PPEF2: variants seen among roughly 807,000 people sequenced by gnomAD.
PPEF2 encodes protein phosphatase with EF-hand domain 2.
Under a neutral mutation model 84.7 loss-of-function variants are expected in PPEF2, and 84 were observed. That is an observed-to-expected ratio of 0.99 (90% confidence interval 0.83 to 1.19). The LOEUF (loss-of-function observed/expected upper bound fraction) is 1.19, where lower values mean the gene tolerates loss of function less well. PPEF2 is among the 50% of genes most tolerant of loss of function. PPEF2 has a pLI of 0.00. For missense variants in PPEF2, 924 were observed against 937.5 expected (o/e 0.99, Z 0.19); for synonymous variants, 346 against 345.2 (o/e 1.00, Z -0.03).
intron 15 of PPEF2, among the ~76,000 whole-genome samples, chr4:75,865,040 G>A (rs371911323): frequency 6.6e-6 from 1 of 151,308 alleles, no homozygotes; most frequent in Non-Finnish European, 1.5e-5. Context: ...GGGTTCAAGC[G>A]ATTCTCCTGT....
chr4:75,884,795 G>A (rs1274355377), intron 7 of PPEF2, 35 bp from the exon 8 acceptor site: 1 of 1,508,100 alleles, frequency 6.6e-7, no homozygotes, highest in Admixed American at 2.1e-5. Context: ...AGAATGAATG[G>A]GAGGAAGGAA....
Position 75,873,305 on chromosome 4 carries a change from T to G in PPEF2, c.1328A>C (p.Asp443Ala), listed in dbSNP as rs536624297. The G allele has an allele frequency of 6.2e-7, 1 of 1,610,882 alleles. No homozygotes were observed. The highest frequency in any genetic ancestry group is 8.5e-7 in the Non-Finnish European group (1 of 1,178,712). Residue 443 changes from aspartate (D) to alanine (A), a missense_variant, in exon 12 of 17, where the codon GAT (aspartate) becomes GCT (alanine). Coordinates refer to ENST00000286719, the MANE Select transcript of PPEF2 (RefSeq NM_006239.3). ...PTQEEWRQVV[D>A]ILWSDPMAQE... ...AGCCATGGGATCACTCCACAGGATATCTACAACCTGAGAAGACCAAGAGAT... is the reference window on the plus strand; with the variant it reads ...AGCCATGGGATCACTCCACAGGATAGCTACAACCTGAGAAGACCAAGAGAT...
intron 7 of PPEF2, 30 bp from the exon 8 acceptor site, chr4:75,884,790 G>C (rs1286086757): frequency 2.5e-5 from 38 of 1,516,432 alleles, no homozygotes; most frequent in Non-Finnish European, 3.1e-5. Context: ...GTGAAAGAAT[G>C]AATGGGAGGA....
In PPEF2 at chr4:75,866,238, T is replaced by C; in HGVS notation, c.1871A>G (p.Glu624Gly). The C allele has an allele frequency of 6.2e-7, 1 of 1,614,144 alleles. No homozygotes were observed. The highest frequency in any genetic ancestry group is 1.1e-5 in the South Asian group (1 of 91,054). Residue 624 changes from glutamate to glycine, a missense_variant, in exon 15 of 17, where the codon GAG becomes GGG. Transcript: ENST00000286719. Reference protein sequence around the residue: ...LVNSSADNMLEYKSWLKNLAK... With the variant: ...LVNSSADNMLGYKSWLKNLAK... Reference sequence around the variant, plus strand: ...CAAGTTCTTCAGCCAAGACTTGTACTCCAGCATGTTGTCTGCTGAGCTGTT... The same window carrying C: ...CAAGTTCTTCAGCCAAGACTTGTACCCCAGCATGTTGTCTGCTGAGCTGTT...
rs747027114 is a variant in PPEF2 at position 75,884,705 on chromosome 4, C to T, written c.635G>A (p.Arg212Gln). The T allele has an allele frequency of 7.4e-6, 12 of 1,613,040 alleles. No homozygotes were observed. The highest frequency in any genetic ancestry group is 1.1e-5 in the South Asian group (1 of 90,846). ...CAGGATCTCTACTGAATCCTTGCCTCGATCCACAAAGTCACCGTTGAACAC... is the reference window on the plus strand; with the variant it reads ...CAGGATCTCTACTGAATCCTTGCCTTGATCCACAAAGTCACCGTTGAACAC... ...SYVFNGDFVD[R>Q]GKDSVEILMI... The change falls in exon 8 of 17, where the codon CGA becomes CAA. Residue 212 changes from arginine to glutamine, a missense_variant. By Grantham distance (43) the Arg-to-Gln change is conservative (BLOSUM62 1). Coordinates refer to ENST00000286719, the MANE Select transcript of PPEF2 (RefSeq NM_006239.3).
At chr4:75,873,745 G>T (rs768435947) in intron 11 of PPEF2, among the ~76,000 whole-genome samples, 2 of 152,042 alleles carry the variant, frequency 1.3e-5, no homozygotes, top group Non-Finnish European at 2.9e-5. Context: ...CCCCAGACGT[G>T]GTCCTGGGAA....
chr4:75,897,965 C>T (rs369648748), intron 1 of PPEF2, among the ~76,000 whole-genome samples: 10 of 152,128 alleles, frequency 6.6e-5, no homozygotes, highest in African/African-American at 1.9e-4. Flanking sequence ...GATTTACCCA[C>T]GTATTTATTA....
rs762963361 is a variant in PPEF2 at position 75,882,781 on chromosome 4, C to T, written c.933+145G>A. The stretch of plus-strand genomic sequence containing the variant: ...GTGCTGAGTTTATAGGTGTGAGACA[C>T]TGTGCCCAGCCTCCATACTCTTAAT... On this transcript the variant is annotated intron_variant, in intron 10 of 16. Coordinates refer to ENST00000286719, the MANE Select transcript of PPEF2 (RefSeq NM_006239.3). 114 of 846,928 alleles carry T rather than the reference C, an allele frequency of 1.3e-4. No individual in the cohort carries two copies. The Admixed American group carries it at 2.0e-3, about 15-fold the overall frequency. The allele number at this position is 846,928 out of a possible 1,614,324, so 52.5% of individuals were successfully genotyped here.
intron 10 of PPEF2, among the ~76,000 whole-genome samples, chr4:75,882,144 T>G (rs1211337058): frequency 1.3e-5 from 2 of 152,202 alleles, no homozygotes; most frequent in African/African-American, 4.8e-5. Context: ...CCCAACACAT[T>G]CTGGTTATTT....
At position 75,876,582 on chromosome 4, in the gene PPEF2, C is replaced by T. The variant is rs1176336398; in HGVS notation, c.1025G>A (p.Gly342Glu). 1.2e-6 allele frequency: 2 copies of T among 1,613,884 alleles called. No individual in the cohort carries two copies. The highest frequency in any genetic ancestry group is 1.6e-4 in the Middle Eastern group (1 of 6,062). ...TTCGGGGAGAAACCATGGGATGGGT[C>T]CCTGTGCAGAGCTCTTCTGGTTGGC... ...RRANQKSSAQGPIPWFLPESR... is the reference protein window; with the variant it reads ...RRANQKSSAQEPIPWFLPESR... The change falls in exon 11 of 17, where the codon GGA (glycine) becomes GAA (glutamate). Residue 342 changes from glycine (G) to glutamate (E), a missense_variant. By Grantham distance (98) the Gly-to-Glu change is moderately conservative. Transcript: ENST00000286719.
Position 75,867,370 on chromosome 4 carries a change from A to G in PPEF2, c.1699T>C (p.Phe567Leu), listed in dbSNP as rs762482775. ...SALRALREKL[F>L]AHSSDLLSEF... Reference sequence around the variant, plus strand: ...CTGAGAAGATCTGAAGAATGAGCAAACAGCTTCTCCCTCAGAGCTCTCAGA... The same window carrying G: ...CTGAGAAGATCTGAAGAATGAGCAAGCAGCTTCTCCCTCAGAGCTCTCAGA... The change falls in exon 14 of 17, where the codon TTT (phenylalanine) becomes CTT (leucine). Residue 567 changes from phenylalanine (F) to leucine (L), a missense_variant. Transcript: ENST00000286719. 6.2e-7 allele frequency: 1 copy of G among 1,614,078 alleles called. No homozygotes were observed. Among genetic ancestry groups the G allele is most frequent in the Non-Finnish European group, 8.5e-7 (1 of 1,179,978 alleles).
chr4:75,885,317 T>C (rs925491069), intron 7 of PPEF2, among the ~76,000 whole-genome samples: 2 of 152,140 alleles, frequency 1.3e-5, no homozygotes. Flanking sequence ...TATTTATTTA[T>C]TTATTTATGT....
intron 10 of PPEF2, 156 bp downstream of exon 10, chr4:75,882,770 G>A (rs1395310748): frequency 1.4e-6 from 1 of 737,000 alleles, no homozygotes; most frequent in African/African-American, 1.8e-5. Context: ...TGAGTTTATA[G>A]GTGTGAGACA....
At chr4:75,891,155 T>C (rs1191214958) in intron 4 of PPEF2, among the ~76,000 whole-genome samples, 1 of 149,764 alleles carries the variant, frequency 6.7e-6, no homozygotes, top group African/African-American at 2.5e-5. Context: ...CACTCCAGCC[T>C]GGGTCACAGA....
rs1723972285 is a variant in PPEF2, at chr4:75,860,615, G to A, written c.*52C>T. ...GAGAATAAGGGAGATAGTCTAGTGAGAAGCTGAGCATTGCCTATGAGGCAC... is the reference window on the plus strand; with the variant it reads ...GAGAATAAGGGAGATAGTCTAGTGAAAAGCTGAGCATTGCCTATGAGGCAC... On this transcript the variant is annotated 3_prime_UTR_variant, in exon 17 of 17. Coordinates refer to ENST00000286719, the MANE Select transcript of PPEF2 (RefSeq NM_006239.3). 1.2e-6 allele frequency: 2 copies of A among 1,600,178 alleles called. No individual in the cohort carries two copies. Among genetic ancestry groups the A allele is most frequent in the South Asian group, 1.1e-5 (1 of 90,048 alleles).
intron 2 of PPEF2, 34 bp from the exon 3 acceptor site, chr4:75,892,012 T>G (rs1463743631): frequency 1.9e-6 from 3 of 1,605,410 alleles, no homozygotes; most frequent in East Asian, 2.2e-5. Flanking sequence ...GCCTGTGAGC[T>G]CGGACTCCCT....
At chr4:75,869,063 C>A (rs1724203927) in intron 13 of PPEF2, among the ~76,000 whole-genome samples, 1 of 152,176 alleles carries the variant, frequency 6.6e-6, no homozygotes, top group African/African-American at 2.4e-5. Flanking sequence ...CCAAATTTCA[C>A]AGGTATGTGA....
chr4:75,880,672 C>T (rs936381055), intron 10 of PPEF2, among the ~76,000 whole-genome samples: 1 of 152,116 alleles, frequency 6.6e-6, no homozygotes, highest in Non-Finnish European at 1.5e-5. Flanking sequence ...AATCAAGATA[C>T]AACTGATGGC....
rs1724292171 is a variant in PPEF2, at chr4:75,872,034, A to G, written c.1640T>C (p.Met547Thr). Residue 547 changes from methionine to threonine, a missense_variant, in exon 13 of 17, where the codon ATG becomes ACG. Transcript: ENST00000286719. The part of the protein sequence containing the change: ...QANKVTHTLT[M>T]RQRISRVEES... ...CATTGAAAAGTCTTGCCTTTGCCTC[A>G]TGGTGAGTGTGTGGGTCACCTTGTT... The G allele has an allele frequency of 1.3e-6, 2 of 1,595,888 alleles. 1 individual carries two copies. Among genetic ancestry groups the G allele is most frequent in the South Asian group, 2.3e-5 (2 of 86,898 alleles).
Sources: allele counts gnomAD v4.1 joint callset (sites outside exome capture counted in the v4.1 genomes callset), GRCh38; gene constraint gnomAD v4.1.1; transcripts MANE v1.5; gene names NCBI Gene and HGNC (gene_info 2026-07-23, HGNC 2026-07-21).